The following KCNK2 variants were observed in gnomAD, a reference collection of about 807,000 sequenced individuals.
The protein encoded by KCNK2 is potassium two pore domain channel subfamily K member 2.
A neutral mutation model predicts 40.5 loss-of-function variants in KCNK2; 21 were observed. That is an observed-to-expected ratio of 0.52 (90% confidence interval 0.37 to 0.75). The LOEUF is 0.75. KCNK2 is among the 30% of genes least tolerant of loss of function. The pLI is 0.00. For missense variants in KCNK2, 399 were observed against 531.6 expected (o/e 0.75, Z 2.45); for synonymous variants, 191 against 202.2 (o/e 0.94, Z 0.47).
At chr1:215,089,451 G>T (rs112563108) in intron 2 of KCNK2, among the ~76,000 whole-genome samples, 2 of 152,156 alleles carry the variant, frequency 1.3e-5, no homozygotes, top group African/African-American at 4.8e-5. Flanking sequence ...GCCAATATCA[G>T]GTGCAGTTAG....
At chr1:215,046,782 T>G (rs1657787025) in intron 1 of KCNK2, among the ~76,000 whole-genome samples, 1 of 152,126 alleles carries the variant, frequency 6.6e-6, no homozygotes, top group African/African-American at 2.4e-5. Flanking sequence ...TACCATGGGA[T>G]ATGAGTTTGA....
intron 1 of KCNK2, among the ~76,000 whole-genome samples, chr1:215,051,418 C>T (rs1209185520): frequency 1.3e-5 from 2 of 152,198 alleles, no homozygotes; most frequent in Admixed American, 6.5e-5. Context: ...CTTGATCCAT[C>T]ATATTACAGA....
chr1:215,020,476 A>G (rs892676840), intron 1 of KCNK2, among the ~76,000 whole-genome samples: 1 of 152,172 alleles, frequency 6.6e-6, no homozygotes, highest in African/African-American at 2.4e-5. Flanking sequence ...CTTAGGCTGG[A>G]GTGCAGTGGT....
intron 4 of KCNK2, among the ~76,000 whole-genome samples, chr1:215,171,542 T>C (rs1314877170): frequency 3.9e-5 from 6 of 152,186 alleles, no homozygotes. Flanking sequence ...TACTTAATTC[T>C]TGTTTCAGTG....
chr1:215,049,977 G>A (rs1467765666), intron 1 of KCNK2, among the ~76,000 whole-genome samples: 1 of 152,008 alleles, frequency 6.6e-6, no homozygotes, highest in Non-Finnish European at 1.5e-5. Flanking sequence ...GATTGTTTCA[G>A]TTATCCTAGA....
chr1:215,173,290 G>A (rs899593060), intron 5 of KCNK2, among the ~76,000 whole-genome samples: 5 of 152,240 alleles, frequency 3.3e-5, no homozygotes, highest in African/African-American at 1.2e-4. Context: ...CCCTACAAAG[G>A]ACATGAACTC....
chr1:215,150,694 C>T (rs1464481738), intron 3 of KCNK2, among the ~76,000 whole-genome samples: 1 of 151,866 alleles, frequency 6.6e-6, no homozygotes, highest in Non-Finnish European at 1.5e-5. Flanking sequence ...TGTTGTTTTC[C>T]ATATTTTAAT....
At chr1:215,161,346 C>T (rs756081742) in intron 3 of KCNK2, among the ~76,000 whole-genome samples, 1 of 151,964 alleles carries the variant, frequency 6.6e-6, no homozygotes, top group Non-Finnish European at 1.5e-5. Flanking sequence ...GTTCATCAGC[C>T]TTATCATGAA....
intron 1 of KCNK2, among the ~76,000 whole-genome samples, chr1:215,021,398 C>A (rs903204658): frequency 1.2e-4 from 6 of 51,676 alleles, no homozygotes; most frequent in Non-Finnish European, 3.5e-4. Flanking sequence ...AGGTTGGCAT[C>A]TGAATCGGTG....
At chr1:215,173,976 T>A (rs1245883480) in intron 5 of KCNK2, among the ~76,000 whole-genome samples, 1 of 152,238 alleles carries the variant, frequency 6.6e-6, no homozygotes, top group East Asian at 1.9e-4. Context: ...TGAGTTTAAT[T>A]AGATCCCATT....
chr1:215,052,121 A>G (rs551036777), intron 1 of KCNK2, among the ~76,000 whole-genome samples: 44 of 152,284 alleles, frequency 2.9e-4, no homozygotes, highest in African/African-American at 1.0e-3. Flanking sequence ...GAGACAGGTG[A>G]AAAATGAACA....
chr1:215,118,608 ATGATACT>A (rs1281736281), intron 2 of KCNK2, among the ~76,000 whole-genome samples: 1 of 152,182 alleles, frequency 6.6e-6, no homozygotes, highest in Non-Finnish European at 1.5e-5. Flanking sequence ...ATTTGGCAAG[ATGATACT>A]TGTTACTGTT....
chr1:215,132,161 C>T (rs1472750825), intron 3 of KCNK2, among the ~76,000 whole-genome samples: 1 of 152,104 alleles, frequency 6.6e-6, no homozygotes, highest in Non-Finnish European at 1.5e-5. Context: ...GAGTCTAATA[C>T]CTTTCTTTCT....
At chr1:215,143,436 C>T (rs193093420) in intron 3 of KCNK2, among the ~76,000 whole-genome samples, 1 of 152,258 alleles carries the variant, frequency 6.6e-6, no homozygotes, top group Non-Finnish European at 1.5e-5. Flanking sequence ...GATTGAAAGA[C>T]TTGCCTTTTG....
intron 2 of KCNK2, among the ~76,000 whole-genome samples, chr1:215,122,882 C>T (rs1571637962): frequency 6.6e-6 from 1 of 151,354 alleles, no homozygotes; most frequent in Non-Finnish European, 1.5e-5. Context: ...GTAGCTGGGA[C>T]TACAGGCGCC....
At chr1:215,046,891 A>C (rs1657790081) in intron 1 of KCNK2, among the ~76,000 whole-genome samples, 1 of 152,112 alleles carries the variant, frequency 6.6e-6, no homozygotes, top group Non-Finnish European at 1.5e-5. Flanking sequence ...TGTTGTAAAA[A>C]GAGAAACTGA....
At chr1:215,044,825 GT>G (rs1657696308) in intron 1 of KCNK2, among the ~76,000 whole-genome samples, 2 of 62,980 alleles carry the variant, frequency 3.2e-5, no homozygotes, top group African/African-American at 5.6e-5. Context: ...GTGTGTGTGT[GT>G]GCGCGCGCAC....
chr1:215,063,504 A>ATCTAC (rs1395957319), intron 1 of KCNK2, among the ~76,000 whole-genome samples: 1 of 152,156 alleles, frequency 6.6e-6, no homozygotes, highest in Non-Finnish European at 1.5e-5. Context: ...TACTCAACAT[A>ATCTAC]TCATGATTAC....
intron 6 of KCNK2, among the ~76,000 whole-genome samples, chr1:215,203,555 A>G (rs566992278): frequency 6.6e-6 from 1 of 152,104 alleles, no homozygotes; most frequent in Non-Finnish European, 1.5e-5. Context: ...ATCATCATAT[A>G]TTGTTCTATG....
Sources: allele counts gnomAD v4.1 joint callset (sites outside exome capture counted in the v4.1 genomes callset), GRCh38; gene constraint gnomAD v4.1.1; transcripts MANE v1.5; gene names NCBI Gene and HGNC (gene_info 2026-07-23, HGNC 2026-07-21).